The following CAMSAP2 variants were observed in gnomAD, a reference collection of about 807,000 sequenced individuals.
CAMSAP2 encodes the protein calmodulin-regulated spectrin-associated protein 2.
CAMSAP2 carries 26 observed loss-of-function variants against 146.1 expected under a neutral mutation model. The ratio of observed to expected loss-of-function variants is 0.18; its 90% CI spans 0.13 to 0.25. CAMSAP2 has a LOEUF of 0.25. CAMSAP2 is among the 10% of genes least tolerant of loss of function. CAMSAP2 has a pLI of 1.00. For synonymous variants in CAMSAP2, 499 were observed against 596.6 expected (o/e 0.84, Z 2.38); for missense variants, 1,381 against 1,759.3 (o/e 0.78, Z 3.85).
At chr1:200,770,599 A>G (rs1665088891) in intron 2 of CAMSAP2, among the ~76,000 whole-genome samples, 1 of 152,036 alleles carries the variant, frequency 6.6e-6, no homozygotes, top group Non-Finnish European at 1.5e-5. Context: ...TATTTTTAGT[A>G]GAGATGGTGT....
At chr1:200,784,772 G>A (rs995201593) in intron 2 of CAMSAP2, among the ~76,000 whole-genome samples, 1 of 152,096 alleles carries the variant, frequency 6.6e-6, no homozygotes, top group Non-Finnish European at 1.5e-5. Context: ...AACACTAACA[G>A]TTAATGTTGA....
intron 2 of CAMSAP2, among the ~76,000 whole-genome samples, chr1:200,782,064 T>A (rs568820203): frequency 3.9e-4 from 59 of 152,328 alleles, no homozygotes; most frequent in South Asian, 3.1e-3. Context: ...TTATTCATTA[T>A]TGTAATAAAA....
intron 1 of CAMSAP2, among the ~76,000 whole-genome samples, chr1:200,757,844 T>C (rs1664692637): frequency 1.3e-5 from 2 of 152,224 alleles, no homozygotes; most frequent in African/African-American, 2.4e-5. Flanking sequence ...TTTCCTTGCA[T>C]TGGGGTCTTT....
At chr1:200,748,566 T>C (rs1051905438) in intron 1 of CAMSAP2, among the ~76,000 whole-genome samples, 4 of 152,156 alleles carry the variant, frequency 2.6e-5, no homozygotes, top group African/African-American at 9.6e-5. Context: ...AGATTTTTTT[T>C]CTTAATGTAT....
At chr1:200,854,013 C>G (rs1383956825) in intron 13 of CAMSAP2, among the ~76,000 whole-genome samples, 1 of 152,126 alleles carries the variant, frequency 6.6e-6, no homozygotes, top group Admixed American at 6.5e-5. Context: ...GGGTCTCAGT[C>G]TGTTGCCCAG....
rs1005485941 is a variant in CAMSAP2, at chr1:200,738,904, C to T, written c.-924C>T. ...GAAGGCGCATGCTCAGTCTCCGCAT[C>T]TGCTCCTTCATCCAGTGCCGCAGCC... On this transcript the variant is annotated 5_prime_UTR_variant, in exon 1 of 17. Coordinates refer to ENST00000358823, the MANE Select transcript of CAMSAP2 (RefSeq NM_203459.4). 6.6e-6 allele frequency among the ~76,000 whole-genome samples: 1 copy of T among 151,362 alleles called. No homozygotes were observed. The highest frequency in any genetic ancestry group is 2.4e-5 in the African/African-American group (1 of 41,074).
At chr1:200,830,028 T>C (rs1162278103) in intron 4 of CAMSAP2, among the ~76,000 whole-genome samples, 1 of 152,186 alleles carries the variant, frequency 6.6e-6, no homozygotes, top group East Asian at 1.9e-4. Flanking sequence ...TATAGGGGGT[T>C]CTTTCTAAAT....
intron 4 of CAMSAP2, among the ~76,000 whole-genome samples, chr1:200,821,733 C>T (rs938792670): frequency 1.3e-5 from 2 of 152,144 alleles, no homozygotes; most frequent in Non-Finnish European, 2.9e-5. Flanking sequence ...TTACAGGAAA[C>T]ACAACAACCT....
At chr1:200,842,427 T>C (rs1188899349) in intron 7 of CAMSAP2, among the ~76,000 whole-genome samples, 5 of 152,210 alleles carry the variant, frequency 3.3e-5, no homozygotes, top group Admixed American at 3.3e-4. Context: ...AAATTATTGT[T>C]TGGCCTTAAC....
chr1:200,793,685 G>A (rs527766917), intron 2 of CAMSAP2, among the ~76,000 whole-genome samples: 1 of 151,552 alleles, frequency 6.6e-6, no homozygotes, highest in Non-Finnish European at 1.5e-5. Flanking sequence ...CCACTTGAAG[G>A]CATTTTATTC....
At chr1:200,798,153 G>A (rs1410526253) in intron 2 of CAMSAP2, among the ~76,000 whole-genome samples, 4 of 150,002 alleles carry the variant, frequency 2.7e-5, no homozygotes, top group South Asian at 2.1e-4. Flanking sequence ...TTGGCAATGC[G>A]GGCTCTTTTT....
intron 1 of CAMSAP2, among the ~76,000 whole-genome samples, chr1:200,757,712 A>G (rs918260186): frequency 6.6e-6 from 1 of 152,048 alleles, no homozygotes; most frequent in African/African-American, 2.4e-5. Context: ...GCTCTTGAAG[A>G]CTTGTTTTTA....
chr1:200,844,363 T>C (rs1571824139), intron 7 of CAMSAP2, among the ~76,000 whole-genome samples: 1 of 151,604 alleles, frequency 6.6e-6, no homozygotes, highest in Admixed American at 6.6e-5. Context: ...GCCTGGCCAA[T>C]ATGGTGAAAC....
chr1:200,783,782 C>G (rs1665509020), intron 2 of CAMSAP2, among the ~76,000 whole-genome samples: 1 of 152,176 alleles, frequency 6.6e-6, no homozygotes, highest in Non-Finnish European at 1.5e-5. Flanking sequence ...ACCACCATGC[C>G]CAGCCTGCGT....
intron 3 of CAMSAP2, among the ~76,000 whole-genome samples, chr1:200,810,631 G>A (rs1347328185): frequency 6.6e-6 from 1 of 151,496 alleles, no homozygotes; most frequent in East Asian, 1.9e-4. Flanking sequence ...ACTCACGTCT[G>A]TAATCCCACT....
chr1:200,762,750 T>C (rs1044935903), intron 2 of CAMSAP2, among the ~76,000 whole-genome samples: 3 of 152,244 alleles, frequency 2.0e-5, no homozygotes, highest in African/African-American at 7.2e-5. Context: ...GTAGTTTGTA[T>C]GTGTGAAATA....
chr1:200,748,773 T>G (rs74736573), intron 1 of CAMSAP2, among the ~76,000 whole-genome samples: 4 of 151,822 alleles, frequency 2.6e-5, no homozygotes, highest in Admixed American at 2.0e-4. Context: ...TTTTTTTTTT[T>G]GGTATACTTT....
chr1:200,754,604 A>T (rs546209692), intron 1 of CAMSAP2, among the ~76,000 whole-genome samples: 1 of 95,272 alleles, frequency 1.0e-5, no homozygotes, highest in South Asian at 3.3e-4. Context: ...TTTTTTTGAG[A>T]CGAAGTCTGG....
At chr1:200,755,562 T>A (rs1407133057) in intron 1 of CAMSAP2, among the ~76,000 whole-genome samples, 2 of 152,210 alleles carry the variant, frequency 1.3e-5, no homozygotes, top group East Asian at 1.9e-4. Flanking sequence ...GTAGAGGTGA[T>A]AATTTAAGCT....
Sources: gnomAD v4.1 joint callset for allele counts (sites outside exome capture counted in the v4.1 genomes callset) on GRCh38, gnomAD v4.1.1 for gene constraint, MANE v1.5 for transcripts, NCBI Gene and HGNC (gene_info 2026-07-23, HGNC 2026-07-21) for gene names.